Variants in ITFG1 observed in about 807,000 individuals in gnomAD.
ITFG1 encodes T-cell immunomodulatory protein.
Under a neutral mutation model 81.8 loss-of-function variants are expected in ITFG1, and 34 were observed. The observed-to-expected ratio is 0.42, with a 90% CI of 0.32 to 0.55. ITFG1 has a LOEUF of 0.55. Among genes scored for constraint, ITFG1 ranks in the 20% least tolerant of loss-of-function variants. ITFG1 has a pLI of 0.17. For missense variants in ITFG1, 672 were observed against 755.4 expected (o/e 0.89, Z 1.29); for synonymous variants, 285 against 270.6 (o/e 1.05, Z -0.52).
chr16:47,364,032 C>G (rs1393924209), intron 8 of ITFG1, among the ~76,000 whole-genome samples: 1 of 152,192 alleles, frequency 6.6e-6, no homozygotes, highest in African/African-American at 2.4e-5. Flanking sequence ...AGATGGAGGG[C>G]TGGATGCAAT....
chr16:47,343,706 C>T (rs919729648), intron 8 of ITFG1, among the ~76,000 whole-genome samples: 1 of 152,008 alleles, frequency 6.6e-6, no homozygotes, highest in African/African-American at 2.4e-5. Context: ...AAAGAAAACA[C>T]GTTAGTGATG....
At chr16:47,216,539 C>T (rs1965626905) in intron 14 of ITFG1, among the ~76,000 whole-genome samples, 1 of 152,090 alleles carries the variant, frequency 6.6e-6, no homozygotes, top group Non-Finnish European at 1.5e-5. Flanking sequence ...GAAAACTAGT[C>T]AACAGTTATA....
intron 13 of ITFG1, among the ~76,000 whole-genome samples, chr16:47,220,119 A>T (rs1045043500): frequency 6.6e-6 from 1 of 152,192 alleles, no homozygotes; most frequent in Admixed American, 6.5e-5. Context: ...GTCTGATATG[A>T]GTTGTAAAGC....
At chr16:47,183,244 G>C (rs2151514527) in intron 14 of ITFG1, among the ~76,000 whole-genome samples, 1 of 152,328 alleles carries the variant, frequency 6.6e-6, no homozygotes, top group African/African-American at 2.4e-5. Context: ...GGTAAACAAA[G>C]CAGCCTGGAA....
chr16:47,457,371 T>C (rs967577015), intron 2 of ITFG1, among the ~76,000 whole-genome samples: 4 of 151,396 alleles, frequency 2.6e-5, no homozygotes, highest in Admixed American at 2.0e-4. Context: ...CTGAAGTACA[T>C]AGACACCACA....
At chr16:47,255,364 TAG>T (rs1966127943) in intron 12 of ITFG1, among the ~76,000 whole-genome samples, 1 of 152,118 alleles carries the variant, frequency 6.6e-6, no homozygotes, top group South Asian at 2.1e-4. Context: ...TTACGTAAAT[TAG>T]AGTTTCTAGT....
At chr16:47,305,352 G>A (rs1967141370) in intron 10 of ITFG1, among the ~76,000 whole-genome samples, 1 of 152,044 alleles carries the variant, frequency 6.6e-6, no homozygotes, top group Non-Finnish European at 1.5e-5. Context: ...CTGTAATCAG[G>A]GTAGTTATTG....
chr16:47,276,146 T>C (rs887818381), intron 10 of ITFG1, among the ~76,000 whole-genome samples: 21 of 152,108 alleles, frequency 1.4e-4, no homozygotes, highest in Admixed American at 1.1e-3. Context: ...ATTATCTATA[T>C]AGGAAATCCA....
intron 10 of ITFG1, among the ~76,000 whole-genome samples, chr16:47,310,109 C>A: frequency 6.6e-6 from 1 of 152,196 alleles, no homozygotes; most frequent in Middle Eastern, 3.2e-3. Context: ...CCTTGGAAAA[C>A]TCTCCAAACA....
chr16:47,399,702 C>T (rs1968636583), intron 6 of ITFG1, among the ~76,000 whole-genome samples: 3 of 152,242 alleles, frequency 2.0e-5, no homozygotes, highest in Middle Eastern at 3.4e-3. Context: ...GTCTCATGGT[C>T]CCCTACAATG....
chr16:47,161,628 A>C (rs1374063670), intron 16 of ITFG1, 122 bp downstream of exon 16: 1 of 595,270 alleles, frequency 1.7e-6, no homozygotes, highest in Non-Finnish European at 3.1e-6. Context: ...GCCGTAAGCA[A>C]ATTAAGGGAT....
chr16:47,350,643 G>A (rs142183387), intron 8 of ITFG1, among the ~76,000 whole-genome samples: 3,079 of 152,252 alleles, frequency 0.02, 104 homozygotes, highest in African/African-American at 0.07. Context: ...GTACAAGGAG[G>A]AGCTGGTACC....
intron 8 of ITFG1, among the ~76,000 whole-genome samples, chr16:47,349,548 A>G (rs1967917239): frequency 6.8e-6 from 1 of 147,346 alleles, no homozygotes; most frequent in Non-Finnish European, 1.5e-5. Context: ...AGGAGCACCC[A>G]GATTCATACA....
At position 47,451,454 on chromosome 16, in the gene ITFG1, T is replaced by A. The variant is rs1969388079; in HGVS notation, c.502A>T (p.Ile168Phe). Reference sequence around the variant, plus strand: ...TTTGTGATACCAAAAATATCAGGAATTAGATCACCATTGAAACTGAAAAAA... The same window carrying A: ...TTTGTGATACCAAAAATATCAGGAAATAGATCACCATTGAAACTGAAAAAA... ...PLIMDFNGDL[I>F]PDIFGITNES... The change falls in exon 5 of 18, where the codon ATT becomes TTT. Residue 168 changes from isoleucine to phenylalanine, a missense_variant. By Grantham distance (21) the Ile-to-Phe change is conservative. Coordinates refer to ENST00000320640, the MANE Select transcript of ITFG1 (RefSeq NM_030790.5). 6.4e-7 allele frequency: 1 copy of A among 1,573,706 alleles called. No individual in the cohort carries two copies. Among genetic ancestry groups the A allele is most frequent in the South Asian group, 1.1e-5 (1 of 89,590 alleles).
chr16:47,395,599 C>T (rs972542218), intron 6 of ITFG1, among the ~76,000 whole-genome samples: 1 of 152,174 alleles, frequency 6.6e-6, no homozygotes, highest in Non-Finnish European at 1.5e-5. Context: ...CCTTAGGTGA[C>T]TAAGGATCAC....
At chr16:47,225,168 C>T (rs1055442185) in intron 13 of ITFG1, among the ~76,000 whole-genome samples, 1 of 151,584 alleles carries the variant, frequency 6.6e-6, no homozygotes, top group African/African-American at 2.4e-5. Flanking sequence ...ACTAGCAAAG[C>T]TCAATAGGAG....
At chr16:47,304,790 A>C (rs1967131679) in intron 10 of ITFG1, among the ~76,000 whole-genome samples, 2 of 152,118 alleles carry the variant, frequency 1.3e-5, no homozygotes, top group Admixed American at 6.6e-5. Context: ...AAAAGTGCAA[A>C]ATCTTCCATG....
intron 14 of ITFG1, among the ~76,000 whole-genome samples, chr16:47,167,429 C>T (rs1964906442): frequency 6.6e-6 from 1 of 152,098 alleles, no homozygotes; most frequent in Non-Finnish European, 1.5e-5. Context: ...CTTGCCTTAA[C>T]TGGTGATATT....
intron 14 of ITFG1, among the ~76,000 whole-genome samples, chr16:47,190,287 C>G (rs1433838426): frequency 1.3e-5 from 2 of 151,830 alleles, no homozygotes; most frequent in East Asian, 3.8e-4. Flanking sequence ...TACTTTAAAA[C>G]AAAAGGTGAG....
Sources: gnomAD v4.1 joint callset for allele counts (sites outside exome capture counted in the v4.1 genomes callset) on GRCh38, gnomAD v4.1.1 for gene constraint, MANE v1.5 for transcripts, NCBI Gene and HGNC (gene_info 2026-07-23, HGNC 2026-07-21) for gene names.